CMTM7: variants seen among roughly 807,000 people sequenced by gnomAD.
CMTM7 encodes the protein CKLF-like MARVEL transmembrane domain-containing protein 7.
CMTM7 carries 7 observed loss-of-function variants against 19.3 expected under a neutral mutation model. The ratio of observed to expected loss-of-function variants is 0.36; its 90% CI spans 0.21 to 0.68. The LOEUF (loss-of-function observed/expected upper bound fraction) is 0.68. Ranked by LOEUF, CMTM7 falls within the 30% of genes least tolerant of loss-of-function variation. The pLI is 0.60. For synonymous variants in CMTM7, 87 were observed against 99.3 expected, an observed-to-expected ratio of 0.88 and a Z score of 0.74; for missense variants, 193 against 232.6, an observed-to-expected ratio of 0.83 and a Z score of 1.11.
chr3:32,405,923 G>C (rs574978779), intron 1 of CMTM7, among the ~76,000 whole-genome samples: 12 of 152,220 alleles, frequency 7.9e-5, no homozygotes, highest in African/African-American at 2.9e-4. Context: ...TTACTTTTTT[G>C]AATAGATAAC....
chr3:32,400,737 C>T (rs775939465), intron 1 of CMTM7, among the ~76,000 whole-genome samples: 1 of 152,072 alleles, frequency 6.6e-6, no homozygotes, highest in Non-Finnish European at 1.5e-5. Context: ...GCATTTTGTT[C>T]GTCTGCAGTT....
Position 32,449,351 on chromosome 3 carries a change from G to C in CMTM7, c.334-103G>C. 1.2e-6 allele frequency: 1 copy of C among 836,578 alleles called. No homozygotes were observed. Among genetic ancestry groups the C allele is most frequent in the Non-Finnish European group, 2.1e-6 (1 of 474,306 alleles). The allele number at this position is 836,578 out of a possible 1,614,324, so 51.8% of individuals were successfully genotyped here. Reference sequence around the variant, plus strand: ...CGTGTTGCAAGGGAGAAGAGGAAGCGTCACTCTCTCCCTTTCTTTTCATGT... The same window carrying C: ...CGTGTTGCAAGGGAGAAGAGGAAGCCTCACTCTCTCCCTTTCTTTTCATGT... On this transcript the variant is annotated intron_variant, in intron 2 of 4. Coordinates refer to ENST00000334983, the MANE Select transcript of CMTM7 (RefSeq NM_138410.4). The surrounding 1 kb of genome is among the most constrained non-coding windows in gnomAD (Gnocchi z 4.5).
intron 2 of CMTM7, among the ~76,000 whole-genome samples, chr3:32,443,985 T>G (rs1027348605): frequency 6.6e-6 from 1 of 152,234 alleles, no homozygotes; most frequent in Admixed American, 6.5e-5. Context: ...CTATATGACT[T>G]GAAAATATTT....
intron 1 of CMTM7, among the ~76,000 whole-genome samples, chr3:32,419,583 T>C (rs1246979357): frequency 1.4e-5 from 2 of 142,642 alleles, no homozygotes; most frequent in African/African-American, 2.6e-5. Flanking sequence ...TGTTTAATCA[T>C]GACTGGATAT....
intron 1 of CMTM7, among the ~76,000 whole-genome samples, chr3:32,429,164 A>C (rs979981809): frequency 3.3e-5 from 5 of 152,266 alleles, no homozygotes; most frequent in Non-Finnish European, 7.3e-5. Context: ...TAAAAATAAA[A>C]AGAATAATTT....
At chr3:32,393,091 A>G (rs1695864312) in intron 1 of CMTM7, among the ~76,000 whole-genome samples, 1 of 152,122 alleles carries the variant, frequency 6.6e-6, no homozygotes, top group Non-Finnish European at 1.5e-5. Flanking sequence ...TCACACACCC[A>G]GAAGCTGGGG....
intron 4 of CMTM7, among the ~76,000 whole-genome samples, chr3:32,453,781 C>T (rs1050905182): frequency 6.6e-6 from 1 of 152,106 alleles, no homozygotes; most frequent in African/African-American, 2.4e-5. Context: ...TACTGAAAAA[C>T]ACTTTAGATG....
At chr3:32,398,416 G>A (rs1237191927) in intron 1 of CMTM7, among the ~76,000 whole-genome samples, 2 of 152,122 alleles carry the variant, frequency 1.3e-5, no homozygotes, top group Non-Finnish European at 2.9e-5. Flanking sequence ...ATCACCTACT[G>A]TGATCAGCTA....
intron 1 of CMTM7, among the ~76,000 whole-genome samples, chr3:32,398,866 T>C (rs1296777906): frequency 6.6e-6 from 1 of 151,992 alleles, no homozygotes; most frequent in African/African-American, 2.4e-5. Flanking sequence ...GTGCCTGTAG[T>C]CCCAGCTACT....
At chr3:32,421,391 A>G (rs1399659710) in intron 1 of CMTM7, among the ~76,000 whole-genome samples, 1 of 152,090 alleles carries the variant, frequency 6.6e-6, no homozygotes, top group Non-Finnish European at 1.5e-5. Context: ...CATGGACAAC[A>G]ACCCTCTTGT....
chr3:32,448,746 C>T (rs963179410), intron 2 of CMTM7, among the ~76,000 whole-genome samples: 3 of 149,360 alleles, frequency 2.0e-5, no homozygotes, highest in African/African-American at 5.0e-5. Flanking sequence ...GCCGGGAGGG[C>T]ACTCTTCTGG....
intron 1 of CMTM7, among the ~76,000 whole-genome samples, chr3:32,420,351 G>T (rs1020836938): frequency 6.6e-6 from 1 of 152,332 alleles, no homozygotes; most frequent in Admixed American, 6.5e-5. Context: ...GAATGACCCC[G>T]CAGGCCGGGT....
intron 1 of CMTM7, among the ~76,000 whole-genome samples, chr3:32,399,391 C>G (rs1695968447): frequency 6.6e-6 from 1 of 151,824 alleles, no homozygotes; most frequent in African/African-American, 2.4e-5. Context: ...ACTTTATATC[C>G]TAAAAGGATG....
chr3:32,413,960 C>A (rs1256462066), intron 1 of CMTM7, among the ~76,000 whole-genome samples: 1 of 152,146 alleles, frequency 6.6e-6, no homozygotes, highest in Non-Finnish European at 1.5e-5. Context: ...CTAACCTCTC[C>A]CTGGGGGCAG....
At chr3:32,441,219 C>T (rs1057495497) in intron 1 of CMTM7, among the ~76,000 whole-genome samples, 1 of 152,322 alleles carries the variant, frequency 6.6e-6, no homozygotes, top group African/African-American at 2.4e-5. Context: ...CTTCTGCTTA[C>T]AAGCCAGATA....
rs1696804428 is a variant in CMTM7 at position 32,449,822 on chromosome 3, G to A, written c.432+270G>A. 6.6e-6 allele frequency among the ~76,000 whole-genome samples: 1 copy of A among 152,142 alleles called. No homozygotes were observed. Among genetic ancestry groups the A allele is most frequent in the South Asian group, 2.1e-4 (1 of 4,820 alleles). On this transcript the variant is annotated intron_variant, in intron 3 of 4. Transcript: ENST00000334983. This position sits in a 1 kb window ranked among gnomAD's most constrained non-coding sequence, Gnocchi z 4.5. ...GGCACTACTGAAATCAGGGGGCCAG[G>A]CGGGTTTTAATTCACACACCCACTC...
chr3:32,435,097 A>C (rs1401152813), intron 1 of CMTM7, among the ~76,000 whole-genome samples: 2 of 152,222 alleles, frequency 1.3e-5, no homozygotes, highest in African/African-American at 4.8e-5. Context: ...CACTTCTAGG[A>C]GTCTATCAGA....
chr3:32,406,342 A>C (rs186835226), intron 1 of CMTM7, among the ~76,000 whole-genome samples: 1 of 152,232 alleles, frequency 6.6e-6, no homozygotes, highest in Middle Eastern at 3.2e-3. Flanking sequence ...TGTATGTACA[A>C]GAATATGAGA....
At chr3:32,440,116 C>T (rs1315085123) in intron 1 of CMTM7, among the ~76,000 whole-genome samples, 2 of 151,452 alleles carry the variant, frequency 1.3e-5, no homozygotes, top group African/African-American at 4.9e-5. Flanking sequence ...CTTTAAGACT[C>T]GCTGCTCTGG....
Sources: allele counts gnomAD v4.1 joint callset (sites outside exome capture counted in the v4.1 genomes callset), GRCh38; gene constraint gnomAD v4.1.1; non-coding constraint Gnocchi (gnomAD v3.1); transcripts MANE v1.5; gene names NCBI Gene and HGNC (gene_info 2026-07-23, HGNC 2026-07-21).